GOLGB1: variants seen among roughly 807,000 people sequenced by gnomAD.
GOLGB1 encodes the protein golgin B1, also known as golgin subfamily B member 1.
A neutral mutation model predicts 336.9 loss-of-function variants in GOLGB1; 174 were observed. The ratio of observed to expected loss-of-function variants is 0.52; its 90% CI spans 0.46 to 0.59. The LOEUF is 0.59. Ranked by LOEUF, GOLGB1 falls within the 20% of genes least tolerant of loss-of-function variation. GOLGB1 has a pLI of 0.00. For synonymous variants in GOLGB1, 1,208 were observed against 1,289.2 expected (o/e 0.94, Z 1.35); for missense variants, 3,331 against 3,645.3 (o/e 0.91, Z 2.22).
Position 121,694,383 on chromosome 3 carries a change from A to C in GOLGB1, c.6140T>G (p.Val2047Gly). The change falls in exon 13 of 22, where the codon GTT (valine) becomes GGT (glycine). Residue 2047 changes from valine to glycine, a missense_variant. By Grantham distance (109) the Val-to-Gly change is moderately radical. Coordinates refer to ENST00000614479, the MANE Select transcript of GOLGB1 (RefSeq NM_001366282.2). ...QEKISALERT[V>G]KALEFVQTES... ...AGTTTGAACAAATTCTAGAGCTTTA[A>C]CAGTTCTCTCCAGAGCACTAATTTT... is the stretch of plus-strand genomic sequence containing the variant. The C allele has an allele frequency of 6.2e-7, 1 of 1,613,060 alleles. No homozygotes were observed. Among genetic ancestry groups the C allele is most frequent in the African/African-American group, 1.3e-5 (1 of 75,000 alleles).
At position 121,669,270 on chromosome 3, in the gene GOLGB1, T is replaced by C; in HGVS notation, c.9263A>G (p.Tyr3088Cys). The change falls in exon 18 of 22, where the codon TAT (tyrosine) becomes TGT (cysteine). Residue 3088 changes from tyrosine (Y) to cysteine (C), a missense_variant. Coordinates refer to ENST00000614479, the MANE Select transcript of GOLGB1 (RefSeq NM_001366282.2). ...SQSLRENQQH[Y>C]GDLLNHCAVL... ...TGCACAGTGATTTAAAAGGTCACCA[T>C]AGTGCTGCTGGTTCTCACGAAGACT... 1 of 1,613,968 alleles carries C rather than the reference T, an allele frequency of 6.2e-7. No homozygotes were observed. Among genetic ancestry groups the C allele is most frequent in the Non-Finnish European group, 8.5e-7 (1 of 1,179,822 alleles).
At chr3:121,672,486 C>G (rs1939683251) in intron 17 of GOLGB1, among the ~76,000 whole-genome samples, 1 of 152,070 alleles carries the variant, frequency 6.6e-6, no homozygotes, top group East Asian at 1.9e-4. Context: ...TATTTGTTTT[C>G]CTGCTATTTA....
At chr3:121,682,885 A>G (rs1472993512) in intron 14 of GOLGB1, among the ~76,000 whole-genome samples, 2 of 152,122 alleles carry the variant, frequency 1.3e-5, no homozygotes, top group Non-Finnish European at 2.9e-5. Context: ...TAAAGCTGGT[A>G]GTAAGAAAAT....
At chr3:121,705,609 G>T (rs961258094) in intron 10 of GOLGB1, among the ~76,000 whole-genome samples, 2 of 152,170 alleles carry the variant, frequency 1.3e-5, no homozygotes, top group Non-Finnish European at 2.9e-5. Context: ...TCAAGAAAGA[G>T]CAAGATGGCT....
chr3:121,672,566 C>T (rs773652897), intron 17 of GOLGB1, among the ~76,000 whole-genome samples: 1 of 152,186 alleles, frequency 6.6e-6, no homozygotes, highest in Admixed American at 6.5e-5. Flanking sequence ...AATGTTTTCT[C>T]TCATTCTGTG....
chr3:121,668,740 T>C (rs1237395388), intron 18 of GOLGB1, among the ~76,000 whole-genome samples: 1 of 151,790 alleles, frequency 6.6e-6, no homozygotes, highest in Non-Finnish European at 1.5e-5. Context: ...AGAAGCCACT[T>C]TGATCCTTCC....
rs1560319759 is a variant in GOLGB1, at chr3:121,732,221, T to G, written c.-2-1248A>C. ...ACACACATATAAATATGAAATTGAA[T>G]TCATACATTAAAAACCTTCTAAAAA... On this transcript the variant is annotated intron_variant, in intron 1 of 21. Transcript: ENST00000614479. Among the ~76,000 whole-genome samples the G allele has an allele frequency of 3.9e-5, 6 of 152,128 alleles. No homozygotes were observed. The South Asian group carries it at 1.2e-3, about 31-fold the overall frequency.
intron 1 of GOLGB1, among the ~76,000 whole-genome samples, chr3:121,737,695 T>C (rs758787298): frequency 7.9e-5 from 12 of 151,866 alleles, no homozygotes; most frequent in Non-Finnish European, 1.8e-4. Context: ...TAAAAACTAT[T>C]GTACAAAATA....
chr3:121,746,627 G>A (rs1298721863), intron 1 of GOLGB1, among the ~76,000 whole-genome samples: 2 of 152,020 alleles, frequency 1.3e-5, no homozygotes, highest in African/African-American at 4.8e-5. Context: ...ACTGGTACCC[G>A]CTGCCACGAC....
At position 121,691,332 on chromosome 3, in the gene GOLGB1, C is replaced by A; in HGVS notation, c.8032G>T (p.Val2678Leu). The change falls in exon 14 of 22, where the codon GTA becomes TTA. Residue 2678 changes from valine (V) to leucine (L), a missense_variant. Transcript: ENST00000614479. ...VCVQKEAAKKVGEIEDKLKKE... is the reference protein window; with the variant it reads ...VCVQKEAAKKLGEIEDKLKKE... ...TTCAGTTTATCTTCAATTTCACCTA[C>A]CTTCTTGGCAGCTTCCTTTTGAACA... 6.2e-7 allele frequency: 1 copy of A among 1,612,202 alleles called. No homozygotes were observed.
At position 121,693,843 on chromosome 3, in the gene GOLGB1, T is replaced by G. The variant is rs775524611; in HGVS notation, c.6680A>C (p.Lys2227Thr). 6.2e-7 allele frequency: 1 copy of G among 1,613,440 alleles called. No homozygotes were observed. The highest frequency in any genetic ancestry group is 1.1e-5 in the South Asian group (1 of 91,082). Reference protein sequence around the residue: ...ERKFSDAIQSKEEEIRLKEDN... With the variant: ...ERKFSDAIQSTEEEIRLKEDN... ...TTCTTTGAGTCTAATTTCTTCTTCT[T>G]TGCTTTGAATCGCATCACTAAACTT... The change falls in exon 13 of 22, where the codon AAA (lysine) becomes ACA (threonine). Residue 2227 changes from lysine to threonine, a missense_variant. By Grantham distance (78) the Lys-to-Thr change is moderately conservative (BLOSUM62 -1). Transcript: ENST00000614479.
Position 121,729,877 on chromosome 3 carries a change from A to G in GOLGB1, c.237T>C (p.Asp79=), listed in dbSNP as rs751681260. 27 of 1,611,526 alleles carry G rather than the reference A, an allele frequency of 1.7e-5. No homozygotes were observed. The highest frequency in any genetic ancestry group is 2.2e-5 in the Non-Finnish European group (26 of 1,178,088). The change falls in exon 3 of 22, where the codon GAT becomes GAC. Residue 79 remains aspartate, a synonymous_variant. Coordinates refer to ENST00000614479, the MANE Select transcript of GOLGB1 (RefSeq NM_001366282.2). ...RQKDVQLQQK[D]EALQEERKAA... Reference sequence around the variant, plus strand: ...AAAACAATAGTACCTGTAGAGCTTCATCTTTCTGCTGCAGTTGAACATCCT... The same window carrying G: ...AAAACAATAGTACCTGTAGAGCTTCGTCTTTCTGCTGCAGTTGAACATCCT...
rs1938288300 is a variant in GOLGB1 at position 121,664,360 on chromosome 3, GAA to G, written c.*118_*119del. 2.2e-6 allele frequency: 2 copies of G among 911,010 alleles called. No individual in the cohort carries two copies. Among genetic ancestry groups the G allele is most frequent in the African/African-American group, 3.3e-5 (2 of 60,164 alleles). 56.4% of individuals were successfully genotyped at this position (911,010 alleles called of 1,614,324 possible). A position where few individuals can be genotyped will look rare whatever the true frequency, so the allele number is the denominator to read the frequency against. On this transcript the variant is annotated 3_prime_UTR_variant, in exon 22 of 22. Coordinates refer to ENST00000614479, the MANE Select transcript of GOLGB1 (RefSeq NM_001366282.2). ...CTCTGTTTTTGCAGGCACTTTCCGT[GAA>G]GAGTTGGAGAGAAGACCTGTAAATG... is the stretch of plus-strand genomic sequence containing the variant.
Position 121,696,454 on chromosome 3 carries a change from C to G in GOLGB1, c.4069G>C (p.Glu1357Gln). 6.2e-7 allele frequency: 1 copy of G among 1,614,010 alleles called. No homozygotes were observed. ...LQEQINKQGL[E>Q]IESLKTVSHE... ...GATACTGTCTTTAGACTCTCGATTTCTAAACCCTGTTTATTTATCTGCTCT... is the reference window on the plus strand; with the variant it reads ...GATACTGTCTTTAGACTCTCGATTTGTAAACCCTGTTTATTTATCTGCTCT... Residue 1357 changes from glutamate (E) to glutamine (Q), a missense_variant, in exon 13 of 22, where the codon GAA (glutamate) becomes CAA (glutamine). Transcript: ENST00000614479.
In GOLGB1 at chr3:121,734,216, C is replaced by A. The variant is rs548766857; in HGVS notation, c.-2-3243G>T. Among the ~76,000 whole-genome samples, 5 of 151,982 alleles carry A rather than the reference C, an allele frequency of 3.3e-5. No individual in the cohort carries two copies. In the East Asian group the frequency reaches 9.7e-4, roughly 29 times the overall value. On this transcript the variant is annotated intron_variant, in intron 1 of 21. Coordinates refer to ENST00000614479, the MANE Select transcript of GOLGB1 (RefSeq NM_001366282.2). ...ACCAGCCTGGCCAACATGGCAAAACCCCACCTCTACTAAAAATACAAAAAT... is the reference window on the plus strand; with the variant it reads ...ACCAGCCTGGCCAACATGGCAAAACACCACCTCTACTAAAAATACAAAAAT...
At chr3:121,725,640 G>A (rs9860385) in intron 5 of GOLGB1, among the ~76,000 whole-genome samples, 2,996 of 152,194 alleles carry the variant, frequency 0.02, 107 homozygotes, top group African/African-American at 0.068. Flanking sequence ...GCCAAGGGTG[G>A]AAGGCTATGA....
At chr3:121,688,988 G>A (rs571299063) in intron 14 of GOLGB1, among the ~76,000 whole-genome samples, 26 of 152,042 alleles carry the variant, frequency 1.7e-4, no homozygotes, top group Admixed American at 7.8e-4. Context: ...GTCTCCGCCC[G>A]GCAGCCACCC....
chr3:121,714,941 A>G lies in GOLGB1; in HGVS notation c.1324T>C (p.Phe442Leu). 1 of 1,612,514 alleles carries G rather than the reference A, an allele frequency of 6.2e-7. No individual in the cohort carries two copies. The change falls in exon 10 of 22, where the codon TTT (phenylalanine) becomes CTT (leucine). Residue 442 changes from phenylalanine (F) to leucine (L), a missense_variant. Transcript: ENST00000614479. Reference protein sequence around the residue: ...LQQKSKEISQFLNRLPLQQHE... With the variant: ...LQQKSKEISQLLNRLPLQQHE... The stretch of plus-strand genomic sequence containing the variant: ...TGTTGCAAGGGCAGTCTATTTAGAA[A>G]TTGGCTAATTTCTTTGGATTTTTGC...
intron 1 of GOLGB1, among the ~76,000 whole-genome samples, chr3:121,739,736 C>CT (rs1271920488): frequency 6.6e-6 from 1 of 152,094 alleles, no homozygotes; most frequent in African/African-American, 2.4e-5. Flanking sequence ...GAAAAGAAAA[C>CT]TTAAGTTCAC....
Sources: gnomAD v4.1 joint callset for allele counts (sites outside exome capture counted in the v4.1 genomes callset) on GRCh38, gnomAD v4.1.1 for gene constraint, MANE v1.5 for transcripts, NCBI Gene and HGNC (gene_info 2026-07-23, HGNC 2026-07-21) for gene names.